MTUS2: variants seen among roughly 807,000 people sequenced by gnomAD.
MTUS2 encodes microtubule associated scaffold protein 2.
A neutral mutation model predicts 114.1 loss-of-function variants in MTUS2; 40 were observed. The observed-to-expected ratio is 0.35, with a 90% CI of 0.27 to 0.46. The LOEUF is 0.46. Among genes scored for constraint, MTUS2 ranks in the 20% least tolerant of loss-of-function variants. The probability of loss-of-function intolerance (pLI) is 1.00; values close to 1 mark genes in which losing one functional copy is unlikely to be tolerated. For synonymous variants in MTUS2, 688 were observed against 672.0 expected (o/e 1.02, Z -0.37); for missense variants, 1,679 against 1,705.4 (o/e 0.98, Z 0.27).
intron 7 of MTUS2, among the ~76,000 whole-genome samples, chr13:29,337,775 G>T (rs1901152199): frequency 1.5e-5 from 2 of 137,662 alleles, no homozygotes; most frequent in Non-Finnish European, 3.1e-5. Context: ...CTAATTTTTT[G>T]TTTGTTTGTT....
chr13:29,006,145 C>A (rs117065838), intron 2 of MTUS2, among the ~76,000 whole-genome samples: 1 of 152,256 alleles, frequency 6.6e-6, no homozygotes, highest in East Asian at 1.9e-4. Flanking sequence ...GGACGTGGAG[C>A]AGCTGTAAGC....
intron 5 of MTUS2, among the ~76,000 whole-genome samples, chr13:29,184,384 T>C (rs1894133732): frequency 6.6e-6 from 1 of 152,198 alleles, no homozygotes; most frequent in Admixed American, 6.5e-5. Flanking sequence ...TTGAACATCA[T>C]GCTCCTAGAA....
At chr13:29,400,515 T>C (rs1438279683) in intron 8 of MTUS2, among the ~76,000 whole-genome samples, 1 of 152,202 alleles carries the variant, frequency 6.6e-6, no homozygotes, top group Non-Finnish European at 1.5e-5. Flanking sequence ...TGATATTTGC[T>C]CAACAAATTG....
intron 7 of MTUS2, among the ~76,000 whole-genome samples, chr13:29,348,427 C>G (rs1184860173): frequency 3.3e-5 from 5 of 151,900 alleles, no homozygotes; most frequent in African/African-American, 4.8e-5. Flanking sequence ...CTTATTATGT[C>G]GCAGATGACT....
chr13:29,148,264 G>A (rs1292316019), intron 5 of MTUS2, among the ~76,000 whole-genome samples: 9 of 151,200 alleles, frequency 6.0e-5, no homozygotes, highest in East Asian at 1.9e-4. Flanking sequence ...GGATGTGCAG[G>A]TTTCTTAAAT....
chr13:29,456,865 C>T (rs755244268), intron 9 of MTUS2, among the ~76,000 whole-genome samples: 2 of 152,160 alleles, frequency 1.3e-5, no homozygotes, highest in African/African-American at 2.4e-5. Flanking sequence ...AGGCCGGGCA[C>T]GGTGGCTCAC....
chr13:29,266,880 C>A (rs967636632), intron 5 of MTUS2, among the ~76,000 whole-genome samples: 1 of 152,168 alleles, frequency 6.6e-6, no homozygotes, highest in Non-Finnish European at 1.5e-5. Flanking sequence ...GGAATCCTAC[C>A]TGCCTGGGGT....
chr13:28,914,653 G>T (rs968526009), intron 2 of MTUS2, among the ~76,000 whole-genome samples: 1 of 151,854 alleles, frequency 6.6e-6, no homozygotes. Flanking sequence ...TTAATTTTCT[G>T]TCTCGATGAT....
At chr13:29,138,535 A>G (rs1459153644) in intron 5 of MTUS2, among the ~76,000 whole-genome samples, 2 of 147,884 alleles carry the variant, frequency 1.4e-5, no homozygotes, top group East Asian at 2.0e-4. Flanking sequence ...TTTATAACTC[A>G]AGTACATTAC....
intron 2 of MTUS2, among the ~76,000 whole-genome samples, chr13:28,938,415 G>T (rs1593315500): frequency 6.6e-6 from 1 of 151,700 alleles, no homozygotes; most frequent in Non-Finnish European, 1.5e-5. Flanking sequence ...ATTTCCTAAA[G>T]AATTTGCTAA....
intron 8 of MTUS2, among the ~76,000 whole-genome samples, chr13:29,363,965 T>G (rs1048899915): frequency 2.6e-5 from 4 of 152,178 alleles, no homozygotes; most frequent in African/African-American, 9.7e-5. Context: ...GGAGATTGCA[T>G]AGTCCTCTGA....
At chr13:29,332,252 A>T (rs534466890) in intron 7 of MTUS2, among the ~76,000 whole-genome samples, 67 of 152,274 alleles carry the variant, frequency 4.4e-4, no homozygotes, top group African/African-American at 1.5e-3. Flanking sequence ...TTATTGATCT[A>T]TTCAGGGATT....
chr13:28,913,376 A>T (rs76006431), intron 2 of MTUS2, among the ~76,000 whole-genome samples: 7 of 151,916 alleles, frequency 4.6e-5, no homozygotes, highest in Non-Finnish European at 8.8e-5. Flanking sequence ...ATAATCATGT[A>T]GTTTTTGTCT....
intron 2 of MTUS2, among the ~76,000 whole-genome samples, chr13:28,930,866 G>C (rs902257583): frequency 3.9e-5 from 6 of 152,140 alleles, no homozygotes; most frequent in African/African-American, 1.4e-4. Context: ...TGGGGTATTG[G>C]GATGGGTTGA....
chr13:29,470,820 T>G (rs2138840415), intron 9 of MTUS2, among the ~76,000 whole-genome samples: 1 of 152,268 alleles, frequency 6.6e-6, no homozygotes, highest in South Asian at 2.1e-4. Context: ...TGCTAGAATT[T>G]TTCCCATCTT....
chr13:28,834,481 A>G (rs1351703094), intron 1 of MTUS2, among the ~76,000 whole-genome samples: 1 of 152,180 alleles, frequency 6.6e-6, no homozygotes, highest in East Asian at 1.9e-4. Flanking sequence ...CTAGATGCCT[A>G]TGTGTAAAAG....
At chr13:28,926,946 A>G (rs745570818) in intron 2 of MTUS2, among the ~76,000 whole-genome samples, 1 of 152,066 alleles carries the variant, frequency 6.6e-6, no homozygotes, top group Non-Finnish European at 1.5e-5. Flanking sequence ...TTGTTCTTGG[A>G]TTTTTTGGCC....
intron 7 of MTUS2, among the ~76,000 whole-genome samples, chr13:29,326,760 T>C (rs1445385424): frequency 6.6e-6 from 1 of 152,012 alleles, no homozygotes; most frequent in Non-Finnish European, 1.5e-5. Flanking sequence ...GTGGGTGGAT[T>C]ACCTGAGGTC....
intron 4 of MTUS2, among the ~76,000 whole-genome samples, chr13:29,046,027 C>T (rs1367941086): frequency 2.6e-5 from 4 of 152,158 alleles, no homozygotes; most frequent in Admixed American, 1.3e-4. Context: ...CCATCCCAGT[C>T]CCCGTGCTTA....
Sources: gnomAD v4.1 joint callset for allele counts (sites outside exome capture counted in the v4.1 genomes callset) on GRCh38, gnomAD v4.1.1 for gene constraint, MANE v1.5 for transcripts, NCBI Gene and HGNC (gene_info 2026-07-23, HGNC 2026-07-21) for gene names.